Variants in MBD1 observed in about 807,000 individuals in gnomAD.
MBD1 encodes methyl-CpG-binding domain protein 1.
MBD1 carries 25 observed loss-of-function variants against 82.6 expected under a neutral mutation model. The ratio of observed to expected loss-of-function variants is 0.30; its 90% CI spans 0.22 to 0.42. The LOEUF (loss-of-function observed/expected upper bound fraction) is 0.42. Ranked by LOEUF, MBD1 falls within the 10% of genes least tolerant of loss-of-function variation. The pLI, the probability that MBD1 is intolerant of heterozygous loss-of-function variation, is 1.00. For missense variants in MBD1, 627 were observed against 819.6 expected, an observed-to-expected ratio of 0.76 and a Z score of 2.87; for synonymous variants, 301 against 303.7, an observed-to-expected ratio of 0.99 and a Z score of 0.09.
In MBD1 at chr18:50,273,443, A is replaced by G. The variant is rs2036469920; in HGVS notation, c.1475T>C (p.Val492Ala). The G allele has an allele frequency of 5.0e-6, 8 of 1,614,126 alleles. No individual in the cohort carries two copies. Among genetic ancestry groups the G allele is most frequent in the South Asian group, 1.1e-5 (1 of 91,086 alleles). Residue 492 changes from valine (V) to alanine (A), a missense_variant, in exon 13 of 17, where the codon GTT becomes GCT. This residue lies in a region of MBD1 where 265 missense variants were observed against 278.4 expected (regional missense o/e 0.95). Transcript: ENST00000269468. ...TTGCTTCACCTGGGGTAAGGCCACA[A>G]CCCAACTCAGGCCAGAGCACTGGGC... ...QEAQCSGLSW[V>A]VALPQVKQEK...
intron 6 of MBD1, 173 bp from the exon 7 acceptor site, chr18:50,276,154 T>C: frequency 1.1e-6 from 1 of 882,482 alleles, no homozygotes. Context: ...TTAGTATGTC[T>C]ACTGGTCCCC....
At chr18:50,279,644 T>C (rs901602045) in intron 2 of MBD1, 10 of 500,676 alleles carry the variant, frequency 2.0e-5, no homozygotes, top group African/African-American at 1.4e-4. Flanking sequence ...ATGCATTGAG[T>C]GACAGTTTTT....
At chr18:50,276,522 G>A (rs2037976285) in intron 5 of MBD1, 104 bp from the exon 6 acceptor site, 15 of 1,431,038 alleles carry the variant, frequency 1.0e-5, no homozygotes, top group Admixed American at 1.8e-5. Context: ...CTCTACCTAT[G>A]CCTGCTATCT....
intron 8 of MBD1, 145 bp downstream of exon 8, chr18:50,275,455 G>A (rs1157229271): frequency 1.9e-6 from 3 of 1,600,016 alleles, no homozygotes; most frequent in Non-Finnish European, 2.6e-6. Flanking sequence ...CTGGCAGACA[G>A]AGGCAGGTAG....
downstream of MBD1, chr18:50,267,740 T>C: frequency 4.2e-6 from 4 of 944,742 alleles, no homozygotes; most frequent in South Asian, 4.2e-5. Context: ...TGTGAGCACA[T>C]GCAACAAATC....
At position 50,273,870 on chromosome 18, in the gene MBD1, G is replaced by T; in HGVS notation, c.1147-7C>A. 1 of 1,611,466 alleles carries T rather than the reference G, an allele frequency of 6.2e-7. No homozygotes were observed. Among genetic ancestry groups the T allele is most frequent in the Non-Finnish European group, 8.5e-7 (1 of 1,179,922 alleles). On this transcript the variant is annotated splice_region_variant and splice_polypyrimidine_tract_variant and intron_variant, in intron 11 of 16. Transcript: ENST00000269468. ...CACTGGGCAGCAGCCGCTTCTATGG[G>T]GAAAGATAGGGTGCTATGGCTACCT...
intron 2 of MBD1, among the ~76,000 whole-genome samples, chr18:50,279,231 T>C (rs1171227486): frequency 6.6e-6 from 1 of 152,250 alleles, no homozygotes; most frequent in Non-Finnish European, 1.5e-5. Flanking sequence ...CGTCATTTCA[T>C]GAACCCACCA....
intron 2 of MBD1, among the ~76,000 whole-genome samples, chr18:50,278,491 T>A (rs1302984401): frequency 6.6e-6 from 1 of 152,238 alleles, no homozygotes; most frequent in Non-Finnish European, 1.5e-5. Flanking sequence ...TTATAGTTCT[T>A]GACAACTGCA....
chr18:50,279,717 CA>C (rs1000522581), intron 2 of MBD1, 165 bp downstream of exon 2: 38 of 919,356 alleles, frequency 4.1e-5, no homozygotes, highest in Admixed American at 3.0e-4. Flanking sequence ...TTTTAAGTTA[CA>C]AATAAATTTT....
rs142689070 is a variant in MBD1 at position 50,275,206 on chromosome 18, T to C, written c.832A>G (p.Met278Val). 201 of 1,614,018 alleles carry C rather than the reference T, an allele frequency of 1.2e-4. No homozygotes were observed. The highest frequency in any genetic ancestry group is 1.6e-4 in the Middle Eastern group (1 of 6,084). ...ARRKGGCDSK[M>V]AARRRPGAQP... ...GCTCCGGGGCGCCGCCTGGCAGCCA[T>C]CTTGGAGTCACAGCCTCCCTTGCGG... The change falls in exon 9 of 17, where the codon ATG becomes GTG. Residue 278 changes from methionine to valine, a missense_variant. Physicochemically the swap from Met to Val is conservative, Grantham distance 21. Coordinates refer to ENST00000269468, the MANE Select transcript of MBD1 (RefSeq NM_015846.4).
intron 8 of MBD1, 121 bp downstream of exon 8, chr18:50,275,479 G>A: frequency 1.9e-6 from 3 of 1,594,686 alleles, no homozygotes; most frequent in Non-Finnish European, 1.7e-6. Flanking sequence ...GGGCCAGAAA[G>A]GCGAGCATAG....
At chr18:50,270,099 A>T (rs549472820) in intron 16 of MBD1, 1 of 1,598,310 alleles carries the variant, frequency 6.3e-7, no homozygotes, top group South Asian at 1.1e-5. Context: ...GGGGAAACAA[A>T]GCAGTATCAG....
chr18:50,281,439 G>A lies in MBD1; in HGVS notation c.-102C>T. ...GGCGAGGGTCCCTCCTGCACCTCCC[G>A]CCTCGCCCTCCTCCCCTTCCTCCTC... On this transcript the variant is annotated 5_prime_UTR_variant, in exon 1 of 17. Coordinates refer to ENST00000269468, the MANE Select transcript of MBD1 (RefSeq NM_015846.4). 1 of 590,174 alleles carries A rather than the reference G, an allele frequency of 1.7e-6. No individual in the cohort carries two copies. The highest frequency in any genetic ancestry group is 3.0e-6 in the Non-Finnish European group (1 of 330,572). The allele number at this position is 590,174 out of a possible 1,614,324, so 36.6% of individuals were successfully genotyped here.
Position 50,274,183 on chromosome 18 carries a change from C to A in MBD1, c.1146+3G>T, listed in dbSNP as rs1351228909. ...TCCACCTGACCCTTCCTGCCCCACC[C>A]ACCATGGCAAACTGCAGGCATTGGC... is the stretch of plus-strand genomic sequence containing the variant. On this transcript the variant is annotated splice_donor_region_variant and intron_variant, in intron 11 of 16. Transcript: ENST00000269468. 1 of 1,614,006 alleles carries A rather than the reference C, an allele frequency of 6.2e-7. No individual in the cohort carries two copies. Among genetic ancestry groups the A allele is most frequent in the South Asian group, 1.1e-5 (1 of 91,074 alleles).
intron 16 of MBD1, chr18:50,270,100 G>A: frequency 6.3e-7 from 1 of 1,598,280 alleles, no homozygotes; most frequent in Admixed American, 1.7e-5. Flanking sequence ...GGGAAACAAA[G>A]CAGTATCAGT....
At chr18:50,267,500 G>T, downstream of MBD1, 1 of 832,554 alleles carries the variant, frequency 1.2e-6, no homozygotes, top group Non-Finnish European at 2.0e-6. Flanking sequence ...GAGTCTGAGG[G>T]TCACAGTGGA....
chr18:50,272,317 A>C (rs2146010092), intron 15 of MBD1: 1 of 334,152 alleles, frequency 3.0e-6, no homozygotes, highest in South Asian at 2.6e-5. Flanking sequence ...AAAGGCCTTC[A>C]AGACCCAAAT....
At chr18:50,281,650 G>A (rs964809253), upstream of MBD1, 4 of 438,624 alleles carry the variant, frequency 9.1e-6, no homozygotes, top group Non-Finnish European at 1.6e-5. Flanking sequence ...CTCCGCAGCG[G>A]TGCGCGCGCC....
chr18:50,269,477 C>T lies in MBD1; in HGVS notation c.*374G>A. On this transcript the variant is annotated 3_prime_UTR_variant, in exon 17 of 17. Coordinates refer to ENST00000269468, the MANE Select transcript of MBD1 (RefSeq NM_015846.4). ...CACTTGGAAGGTTGGTGCTGGGGCA[C>T]CAGGCGTTGTTGCAGTTCACACGTT... 1 of 730,186 alleles carries T rather than the reference C, an allele frequency of 1.4e-6. No homozygotes were observed. 45.2% of individuals were successfully genotyped at this position (730,186 alleles called of 1,614,324 possible).
Sources: gnomAD v4.1 joint callset for allele counts (sites outside exome capture counted in the v4.1 genomes callset) on GRCh38, gnomAD v4.1.1 for gene constraint, gnomAD v4.1.1 regional missense constraint, MANE v1.5 for transcripts, NCBI Gene and HGNC (gene_info 2026-07-23, HGNC 2026-07-21) for gene names.